Variants in CERT1 observed in about 807,000 individuals in gnomAD.
CERT1 encodes the protein ceramide transfer protein.
In CERT1, 31 loss-of-function variants were observed where a neutral mutation model predicts 87.9. That is an observed-to-expected ratio of 0.35 (90% CI 0.27 to 0.48). The LOEUF (loss-of-function observed/expected upper bound fraction) is 0.48, where lower values mean the gene tolerates loss of function less well. Ranked by LOEUF, CERT1 falls within the 20% of genes least tolerant of loss-of-function variation. The pLI is 0.99. For missense variants in CERT1, 487 were observed against 758.0 expected, an observed-to-expected ratio of 0.64 and a Z score of 4.20; for synonymous variants, 289 against 250.9, an observed-to-expected ratio of 1.15 and a Z score of -1.44.
chr5:75,442,216 T>C (rs1764352732), intron 3 of CERT1, among the ~76,000 whole-genome samples: 2 of 152,220 alleles, frequency 1.3e-5, no homozygotes, highest in South Asian at 4.1e-4. Context: ...AACTTAGAGA[T>C]ATTGTCCAGT....
chr5:75,479,800 T>C (rs1259421101), intron 2 of CERT1, among the ~76,000 whole-genome samples: 2 of 152,196 alleles, frequency 1.3e-5, no homozygotes, highest in East Asian at 1.9e-4. Flanking sequence ...CCTCTAGGTA[T>C]ATATTCAGTA....
chr5:75,402,825 C>T (rs1762552562), intron 9 of CERT1, 147 bp downstream of exon 9: 2 of 480,250 alleles, frequency 4.2e-6, no homozygotes, highest in East Asian at 3.4e-5. Context: ...GATTATTTTA[C>T]ATTTGTGACT....
chr5:75,407,553 AC>A (rs1462912727), intron 8 of CERT1, among the ~76,000 whole-genome samples: 19 of 152,034 alleles, frequency 1.2e-4, no homozygotes, highest in South Asian at 1.2e-3. Context: ...AACAAAAAAA[AC>A]GAATAAGAAA....
At chr5:75,386,895 T>C (rs890364679) in intron 12 of CERT1, among the ~76,000 whole-genome samples, 2 of 152,156 alleles carry the variant, frequency 1.3e-5, no homozygotes, top group African/African-American at 4.8e-5. Flanking sequence ...GAGACAGAGT[T>C]TCGCTATTGT....
intron 2 of CERT1, among the ~76,000 whole-genome samples, chr5:75,484,605 A>G (rs1050037900): frequency 9.4e-5 from 14 of 149,096 alleles, no homozygotes; most frequent in Non-Finnish European, 1.5e-4. Flanking sequence ...AGCTATTCTT[A>G]GACAACATTT....
intron 14 of CERT1, 76 bp downstream of exon 14, chr5:75,384,566 T>C: frequency 2.0e-6 from 2 of 1,018,974 alleles, no homozygotes; most frequent in East Asian, 4.9e-5. Flanking sequence ...ACCTCCCCAA[T>C]TTTACTTTAG....
chr5:75,448,292 C>A (rs545894413), intron 3 of CERT1, among the ~76,000 whole-genome samples: 1 of 152,270 alleles, frequency 6.6e-6, no homozygotes, highest in South Asian at 2.1e-4. Context: ...GCAATATAAG[C>A]ATTCCTATCT....
At chr5:75,398,816 C>T (rs1054846924) in intron 11 of CERT1, among the ~76,000 whole-genome samples, 1 of 152,142 alleles carries the variant, frequency 6.6e-6, no homozygotes, top group African/African-American at 2.4e-5. Context: ...AGGTAATTTG[C>T]ATAAGGAAAA....
chr5:75,502,519 T>A (rs190184934), intron 2 of CERT1, among the ~76,000 whole-genome samples: 70 of 152,264 alleles, frequency 4.6e-4, no homozygotes, highest in African/African-American at 1.5e-3. Context: ...TTCAACAGAA[T>A]ATAACAGTTA....
rs201268306 is a variant in CERT1, at chr5:75,476,325, A to AT, written c.232-17145dup. ...ATATAAGAAAAGCATGGAAATTGTG[A>AT]TTTTTTTTTTTGCACCTATCACTAT... On this transcript the variant is annotated intron_variant, in intron 2 of 16. Coordinates refer to ENST00000643780, the MANE Select transcript of CERT1 (RefSeq NM_001379029.1). Among the ~76,000 whole-genome samples the AT allele has an allele frequency of 2.9e-3, 431 of 148,000 alleles. 3 individuals carry two copies. The highest frequency in any genetic ancestry group is 7.4e-3 in the African/African-American group (301 of 40,584).
In CERT1 at chr5:75,467,378, A is replaced by G. The variant is rs538923380; in HGVS notation, c.232-8197T>C. 1.7e-3 allele frequency among the ~76,000 whole-genome samples: 260 copies of G among 152,290 alleles called. 5 individuals are homozygous for G. The highest frequency in any genetic ancestry group is 0.017 in the Admixed American group (259 of 15,296). On this transcript the variant is annotated intron_variant, in intron 2 of 16. Transcript: ENST00000643780. The stretch of plus-strand genomic sequence containing the variant: ...CATATGAAGCCGGACGTGGTAGCTC[A>G]CGCCTGTAATCCTAGCACTTTGGGA...
chr5:75,493,203 A>G (rs990431333), intron 2 of CERT1, among the ~76,000 whole-genome samples: 1 of 152,206 alleles, frequency 6.6e-6, no homozygotes, highest in African/African-American at 2.4e-5. Context: ...CCCTCTTACC[A>G]TCATTTGCCT....
chr5:75,378,596 G>A lies in CERT1; in HGVS notation c.*750C>T, dbSNP rs1211809220. 1 of 152,082 alleles carries A rather than the reference G, an allele frequency of 6.6e-6. No individual in the cohort carries two copies. Among genetic ancestry groups the A allele is most frequent in the East Asian group, 1.9e-4 (1 of 5,190 alleles). 9.4% of individuals were successfully genotyped at this position (152,082 alleles called of 1,614,324 possible). A position where few individuals can be genotyped will look rare whatever the true frequency, so the allele number is the denominator to read the frequency against. On this transcript the variant is annotated 3_prime_UTR_variant, in exon 17 of 17. Transcript: ENST00000643780. ...GAATGAGATGTTTTACACATCTCAT[G>A]TCTTATAAAGAAAGATAGTCAAGAT...
At chr5:75,397,601 T>G (rs1027557374) in intron 11 of CERT1, among the ~76,000 whole-genome samples, 4 of 152,218 alleles carry the variant, frequency 2.6e-5, no homozygotes, top group Admixed American at 2.0e-4. Context: ...GCCTATGTAT[T>G]CCTGCATTTT....
At chr5:75,433,891 A>G (rs956696205) in intron 3 of CERT1, among the ~76,000 whole-genome samples, 1 of 152,206 alleles carries the variant, frequency 6.6e-6, no homozygotes, top group African/African-American at 2.4e-5. Context: ...GCCTTTGGGC[A>G]GAGACTATGG....
At chr5:75,390,355 T>A (rs1761981723) in intron 11 of CERT1, among the ~76,000 whole-genome samples, 1 of 152,198 alleles carries the variant, frequency 6.6e-6, no homozygotes. Context: ...TTGTTCTAAA[T>A]TATTTTGGGG....
chr5:75,401,280 A>C (rs553117072), intron 9 of CERT1: 1 of 152,260 alleles, frequency 6.6e-6, no homozygotes, highest in Non-Finnish European at 1.5e-5. Flanking sequence ...AAGCTTACGG[A>C]AGGGTTCATC....
chr5:75,400,659 C>T (rs1762433362), intron 9 of CERT1: 3 of 177,042 alleles, frequency 1.7e-5, no homozygotes, highest in African/African-American at 7.1e-5. Flanking sequence ...ATGATTCTAC[C>T]TTAGCAGGCC....
At chr5:75,466,883 C>T (rs936303916) in intron 2 of CERT1, among the ~76,000 whole-genome samples, 11 of 152,206 alleles carry the variant, frequency 7.2e-5, no homozygotes, top group African/African-American at 2.7e-4. Flanking sequence ...TCTCCCACAA[C>T]TGTTTGAACA....
Sources: allele counts gnomAD v4.1 joint callset (sites outside exome capture counted in the v4.1 genomes callset), GRCh38; gene constraint gnomAD v4.1.1; transcripts MANE v1.5; gene names NCBI Gene and HGNC (gene_info 2026-07-23, HGNC 2026-07-21).